Variants in CHODL observed in about 807,000 individuals in gnomAD.
CHODL encodes transmembrane protein MT75.
Under a neutral mutation model 34.5 loss-of-function variants are expected in CHODL, and 29 were observed. The ratio of observed to expected loss-of-function variants is 0.84; its 90% CI spans 0.63 to 1.15. The LOEUF (loss-of-function observed/expected upper bound fraction) is 1.15. Among genes scored for constraint, CHODL ranks in the 50% most tolerant of loss-of-function variants. CHODL has a pLI of 0.00. For synonymous variants in CHODL, 125 were observed against 116.1 expected (o/e 1.08, Z -0.49); for missense variants, 332 against 332.5 (o/e 1.00, Z 0.01).
Position 18,136,626 on chromosome 21 carries a change from C to T in CHODL, c.-45+108655C>T, listed in dbSNP as rs571076683. 8.6e-5 allele frequency among the ~76,000 whole-genome samples: 13 copies of T among 150,336 alleles called. No individual in the cohort carries two copies. The South Asian group carries it at 1.1e-3, about 12-fold the overall frequency. ...TCCTGTGGGAGTGTGTGTGTGCGTG[C>T]GCACACACATATACACGTTGGGGCC... On this transcript the variant is annotated intron_variant, in intron 2 of 6. Coordinates refer to the CHODL transcript ENST00000400127.
intron 2 of CHODL, among the ~76,000 whole-genome samples, chr21:18,131,099 A>G (rs2072648497): frequency 6.6e-6 from 1 of 152,040 alleles, no homozygotes; most frequent in Non-Finnish European, 1.5e-5. Flanking sequence ...GCAGGGGAAA[A>G]GAGAGGAAGA....
intron 2 of CHODL, among the ~76,000 whole-genome samples, chr21:18,117,708 A>AAAAT (rs951320639): frequency 6.9e-5 from 10 of 144,622 alleles, no homozygotes; most frequent in Admixed American, 4.5e-4. Context: ...TAAATAAGAT[A>AAAAT]AAATAAATAA....
At chr21:18,018,923 G>A (rs2064101534) in intron 1 of CHODL, among the ~76,000 whole-genome samples, 1 of 152,184 alleles carries the variant, frequency 6.6e-6, no homozygotes, top group African/African-American at 2.4e-5. Flanking sequence ...TTGCTTGGTT[G>A]ATCTATTATT....
At chr21:17,989,651 C>T (rs985540202) in intron 1 of CHODL, among the ~76,000 whole-genome samples, 1 of 152,040 alleles carries the variant, frequency 6.6e-6, no homozygotes, top group South Asian at 2.1e-4. Flanking sequence ...TATTTTATAC[C>T]AACCTGCAAT....
chr21:18,045,692 C>T (rs2064433782), intron 2 of CHODL, among the ~76,000 whole-genome samples: 1 of 151,850 alleles, frequency 6.6e-6, no homozygotes, highest in African/African-American at 2.4e-5. Flanking sequence ...AACTGAATCC[C>T]CAATGCATCA....
At chr21:18,248,882 G>T (rs2074190528) in intron 1 of CHODL, among the ~76,000 whole-genome samples, 1 of 108,306 alleles carries the variant, frequency 9.2e-6, no homozygotes, top group Non-Finnish European at 1.6e-5. Flanking sequence ...TATATGTATT[G>T]TACCTATAAT....
intron 5 of CHODL, among the ~76,000 whole-genome samples, chr21:18,264,905 C>G (rs755515788): frequency 1.3e-4 from 20 of 151,774 alleles, no homozygotes; most frequent in Non-Finnish European, 2.4e-4. Context: ...GGTGCAGAGC[C>G]GGAGAAGCGA....
chr21:18,262,461 T>C (rs577601598), intron 4 of CHODL, among the ~76,000 whole-genome samples: 1 of 152,240 alleles, frequency 6.6e-6, no homozygotes, highest in African/African-American at 2.4e-5. Context: ...AACTGTAACA[T>C]AATGGAATTT....
intron 2 of CHODL, among the ~76,000 whole-genome samples, chr21:18,075,092 G>A (rs2064848742): frequency 6.6e-6 from 1 of 152,152 alleles, no homozygotes; most frequent in African/African-American, 2.4e-5. Flanking sequence ...ATTTTTGAAT[G>A]TATATTCAGA....
intron 1 of CHODL, among the ~76,000 whole-genome samples, chr21:17,949,188 T>C (rs1056263069): frequency 3.9e-5 from 6 of 152,176 alleles, no homozygotes; most frequent in African/African-American, 1.4e-4. Flanking sequence ...GAACTATTTC[T>C]AGAAAGAAAT....
chr21:18,201,406 T>C (rs932418439), intron 2 of CHODL, among the ~76,000 whole-genome samples: 42 of 152,278 alleles, frequency 2.8e-4, no homozygotes, highest in African/African-American at 1.0e-3. Flanking sequence ...AGCCTCATTA[T>C]ATTTAAACTC....
chr21:18,098,085 A>G (rs766062858), intron 2 of CHODL, among the ~76,000 whole-genome samples: 5 of 152,092 alleles, frequency 3.3e-5, no homozygotes, highest in Admixed American at 6.6e-5. Flanking sequence ...AAACATAGAA[A>G]TCTAAGACCT....
chr21:18,182,524 A>G (rs1030254932), intron 2 of CHODL, among the ~76,000 whole-genome samples: 1 of 152,214 alleles, frequency 6.6e-6, no homozygotes, highest in Non-Finnish European at 1.5e-5. Context: ...TGTCAGTTCT[A>G]TCTCAATAAA....
chr21:18,004,845 A>C lies in CHODL; in HGVS notation c.-144-23027A>C, dbSNP rs2406166. Among the ~76,000 whole-genome samples the C allele has an allele frequency of 4.6e-5, 7 of 150,808 alleles. 1 individual carries two copies. The highest frequency in any genetic ancestry group is 2.0e-4 in the Admixed American group (3 of 15,200). On this transcript the variant is annotated intron_variant, in intron 1 of 6. Coordinates refer to the CHODL transcript ENST00000400127. Reference sequence around the variant, plus strand: ...GGTAAAAAATTGCAAAAAAAAAAAAACAACAACAGTTAAAGGTCTTAAACA... The same window carrying C: ...GGTAAAAAATTGCAAAAAAAAAAAACCAACAACAGTTAAAGGTCTTAAACA...
chr21:18,264,488 G>A (rs1021829328), intron 5 of CHODL, among the ~76,000 whole-genome samples: 1 of 151,582 alleles, frequency 6.6e-6, no homozygotes, highest in Admixed American at 6.6e-5. Flanking sequence ...GATAATCCCA[G>A]CTACTTGGGA....
chr21:18,174,164 A>ATATATCTTGGTATATATATATATATCT (rs1198723227), intron 2 of CHODL, among the ~76,000 whole-genome samples: 2 of 47,282 alleles, frequency 4.2e-5, no homozygotes, highest in African/African-American at 5.9e-5. Flanking sequence ...TATATATAAA[A>ATATATCTTGGTATATATATATATATCT]TCAAGTCTCT....
chr21:18,073,957 G>A (rs1410842962), intron 2 of CHODL, among the ~76,000 whole-genome samples: 3 of 151,992 alleles, frequency 2.0e-5, no homozygotes, highest in African/African-American at 7.2e-5. Context: ...GCTTGGGATA[G>A]AAGGTCATTT....
At position 18,089,719 on chromosome 21, in the gene CHODL, A is replaced by C. The variant is rs150034999; in HGVS notation, c.-45+61748A>C. Among the ~76,000 whole-genome samples the C allele has an allele frequency of 5.3e-3, 802 of 152,314 alleles. 6 individuals are homozygous for C. Among genetic ancestry groups the C allele is most frequent in the African/African-American group, 0.018 (735 of 41,546 alleles). On this transcript the variant is annotated intron_variant, in intron 2 of 6. Coordinates refer to the CHODL transcript ENST00000400127. The stretch of plus-strand genomic sequence containing the variant: ...ATCTTTTCTTTCTGAGACACCATTA[A>C]AATGACAATAAAGAAATAAAAAGCT...
intron 2 of CHODL, among the ~76,000 whole-genome samples, chr21:18,232,941 T>TTATATATATATATA (rs752640406): frequency 0.027 from 2,616 of 97,110 alleles, 128 homozygotes; most frequent in African/African-American, 0.065. Flanking sequence ...CATGATGTTA[T>TTATATATATATATA]GATATATATA....
Sources: gnomAD v4.1 joint callset for allele counts (sites outside exome capture counted in the v4.1 genomes callset) on GRCh38, gnomAD v4.1.1 for gene constraint, MANE v1.5 for transcripts, NCBI Gene and HGNC (gene_info 2026-07-23, HGNC 2026-07-21) for gene names.